The following OXTR variants were observed in gnomAD, a reference collection of about 807,000 sequenced individuals.
The protein encoded by OXTR is oxytocin receptor.
Under a neutral mutation model 23.9 loss-of-function variants are expected in OXTR, and 19 were observed. The ratio of observed to expected loss-of-function variants is 0.80; its 90% confidence interval spans 0.56 to 1.17. The LOEUF (loss-of-function observed/expected upper bound fraction) is 1.17. Among genes scored for constraint, OXTR ranks in the 50% most tolerant of loss-of-function variants. The pLI, the probability that OXTR is intolerant of heterozygous loss-of-function variation, is 0.00. For missense variants in OXTR, 500 were observed against 550.7 expected (o/e 0.91, Z 0.92); for synonymous variants, 278 against 250.5 (o/e 1.11, Z -1.04).
rs1291701372 is a variant in OXTR, at chr3:8,767,924, C to T, written c.264G>A (p.Val88=). 3.2e-5 allele frequency: 52 copies of T among 1,613,446 alleles called. No homozygotes were observed. The highest frequency in any genetic ancestry group is 4.2e-5 in the Non-Finnish European group (49 of 1,179,826). ...MKHLSIADLV[V]AVFQVLPQLL... Reference sequence around the variant, plus strand: ...ACTGCGGCAGCACCTGAAACACTGCCACCACCAGGTCGGCGATGCTTAGGT... The same window carrying T: ...ACTGCGGCAGCACCTGAAACACTGCTACCACCAGGTCGGCGATGCTTAGGT... The change falls in exon 3 of 4, where the codon GTG becomes GTA. Residue 88 remains valine, a synonymous_variant. Coordinates refer to ENST00000316793, the MANE Select transcript of OXTR (RefSeq NM_000916.4).
intron 3 of OXTR, among the ~76,000 whole-genome samples, chr3:8,756,067 T>C (rs1708366916): frequency 6.6e-6 from 1 of 152,234 alleles, no homozygotes; most frequent in Admixed American, 6.5e-5. Flanking sequence ...TGATGGTTAC[T>C]GAGCAGGTGA....
At position 8,751,088 on chromosome 3, in the gene OXTR, T is replaced by A. The variant is rs960698557; in HGVS notation, c.*1889A>T. On this transcript the variant is annotated 3_prime_UTR_variant, in exon 4 of 4. Coordinates refer to ENST00000316793, the MANE Select transcript of OXTR (RefSeq NM_000916.4). The stretch of plus-strand genomic sequence containing the variant: ...TGTAGCCATCCTAGTGATTGTAAAC[T>A]GGAATCTCATTGTGATTTTGACTTG... The A allele has an allele frequency of 6.6e-6, 1 of 152,254 alleles. No individual in the cohort carries two copies. Among genetic ancestry groups the A allele is most frequent in the Non-Finnish European group, 1.5e-5 (1 of 68,046 alleles). 9.4% of individuals were successfully genotyped at this position (152,254 alleles called of 1,614,324 possible).
downstream of OXTR, chr3:8,746,797 T>TCACACACACACACACACACACACA (rs113631543): frequency 7.5e-6 from 1 of 132,970 alleles, no homozygotes; most frequent in Non-Finnish European, 1.8e-5. Flanking sequence ...TCTCTCTCTC[T>TCACACACACACACACACACACACA]CTCACACACA....
intron 3 of OXTR, among the ~76,000 whole-genome samples, chr3:8,755,749 G>A (rs1708358347): frequency 6.6e-6 from 1 of 152,116 alleles, no homozygotes; most frequent in Non-Finnish European, 1.5e-5. Flanking sequence ...TTCTTAATTT[G>A]TCAATATCCT....
chr3:8,762,013 C>G (rs1188908252), intron 3 of OXTR, among the ~76,000 whole-genome samples: 1 of 152,200 alleles, frequency 6.6e-6, no homozygotes, highest in African/African-American at 2.4e-5. Flanking sequence ...GGAGGGAGCC[C>G]TGTGGGGTTG....
At chr3:8,760,681 A>G (rs1708465254) in intron 3 of OXTR, among the ~76,000 whole-genome samples, 1 of 152,230 alleles carries the variant, frequency 6.6e-6, no homozygotes, top group Non-Finnish European at 1.5e-5. Flanking sequence ...GTTGTGCCAC[A>G]AAGCAGCCCA....
intron 3 of OXTR, among the ~76,000 whole-genome samples, chr3:8,753,527 T>G (rs566400679): frequency 2.6e-5 from 4 of 152,330 alleles, no homozygotes; most frequent in East Asian, 1.9e-4. Flanking sequence ...AGAAGCTGAA[T>G]CCATCACAGC....
Position 8,753,239 on chromosome 3 carries a change from G to A in OXTR, c.923-15C>T, listed in dbSNP as rs759179496. ...GAAGGCCGAGGCTGAGGGGGTGGGGGCAGGAGAAAGGAGAAAAGGGCATTA... is the reference window on the plus strand; with the variant it reads ...GAAGGCCGAGGCTGAGGGGGTGGGGACAGGAGAAAGGAGAAAAGGGCATTA... On this transcript the variant is annotated splice_polypyrimidine_tract_variant and intron_variant, in intron 3 of 3. Coordinates refer to ENST00000316793, the MANE Select transcript of OXTR (RefSeq NM_000916.4). 1.3e-5 allele frequency: 21 copies of A among 1,613,396 alleles called. No homozygotes were observed. The highest frequency in any genetic ancestry group is 2.2e-5 in the East Asian group (1 of 44,860).
rs1256654975 is a variant in OXTR, at chr3:8,752,070, TGTTAA to T, written c.*902_*906del. 13 of 152,384 alleles carry T rather than the reference TGTTAA, an allele frequency of 8.5e-5. No homozygotes were observed. Among genetic ancestry groups the T allele is most frequent in the Middle Eastern group, 3.4e-3 (1 of 294 alleles). 9.4% of individuals were successfully genotyped at this position (152,384 alleles called of 1,614,324 possible). ...GTAGTTTTCAGTCTTGCACTTGTTT[TGTTAA>T]GTTGATTCCTATTTTATTCTTTCTG... On this transcript the variant is annotated 3_prime_UTR_variant, in exon 4 of 4. Coordinates refer to ENST00000316793, the MANE Select transcript of OXTR (RefSeq NM_000916.4).
chr3:8,758,631 T>C (rs1183507528), intron 3 of OXTR, among the ~76,000 whole-genome samples: 2 of 152,126 alleles, frequency 1.3e-5, no homozygotes, highest in East Asian at 3.9e-4. Flanking sequence ...GAAAAGACCA[T>C]CGTTTTACAA....
chr3:8,765,794 C>T (rs1441326967), intron 3 of OXTR, among the ~76,000 whole-genome samples: 1 of 152,206 alleles, frequency 6.6e-6, no homozygotes, highest in Non-Finnish European at 1.5e-5. Flanking sequence ...GTGCCTTCCC[C>T]TCTCGGGGCC....
chr3:8,753,043 C>T lies in OXTR; in HGVS notation c.1104G>A (p.Ser368=), dbSNP rs148736817. The T allele has an allele frequency of 2.1e-3, 3,452 of 1,614,136 alleles. 9 individuals carry two copies. The highest frequency in any genetic ancestry group is 7.6e-3 in the Middle Eastern group (46 of 6,062). The part of the protein sequence containing the change: ...GETSASKKSN[S]SSFVLSHRSS... ...TGCGATGGCTCAGGACAAAGGAGGA[C>T]GAGTTGCTCTTTTTGCTGGCACTCG... Residue 368 remains serine (S), a synonymous_variant, in exon 4 of 4, where the codon TCG becomes TCA. Coordinates refer to ENST00000316793, the MANE Select transcript of OXTR (RefSeq NM_000916.4).
intron 3 of OXTR, among the ~76,000 whole-genome samples, chr3:8,762,564 G>A (rs1325497387): frequency 6.6e-6 from 1 of 152,070 alleles, no homozygotes; most frequent in African/African-American, 2.4e-5. Flanking sequence ...TCTCCTGCCG[G>A]CCCACCATGC....
Position 8,767,737 on chromosome 3 carries a change from G to C in OXTR, c.451C>G (p.Arg151Gly), listed in dbSNP as rs772841181. The change falls in exon 3 of 4, where the codon CGC (arginine) becomes GGC (glycine). Residue 151 changes from arginine to glycine, a missense_variant. By Grantham distance (125) the Arg-to-Gly change is moderately radical. Coordinates refer to ENST00000316793, the MANE Select transcript of OXTR (RefSeq NM_000916.4). ...GCGAGCACTGCCAGGCGGTCGGTGC[G>C]GCGGCGCAGCGAGCGCAGCGGCTGG... ...ICQPLRSLRR[R>G]TDRLAVLATW... 3 of 1,609,924 alleles carry C rather than the reference G, an allele frequency of 1.9e-6. No individual in the cohort carries two copies. Among genetic ancestry groups the C allele is most frequent in the Non-Finnish European group, 1.7e-6 (2 of 1,178,278 alleles).
intron 3 of OXTR, among the ~76,000 whole-genome samples, chr3:8,765,525 G>A (rs1708586259): frequency 1.3e-5 from 2 of 152,222 alleles, no homozygotes; most frequent in Admixed American, 1.3e-4. Flanking sequence ...GCTGGAGGAG[G>A]ACTAGACCCC....
At chr3:8,761,519 G>A (rs368625787) in intron 3 of OXTR, among the ~76,000 whole-genome samples, 2 of 152,204 alleles carry the variant, frequency 1.3e-5, no homozygotes, top group South Asian at 2.1e-4. Context: ...GGTTGGGGTC[G>A]TCATGCAGTG....
chr3:8,760,296 C>T (rs964640267), intron 3 of OXTR, among the ~76,000 whole-genome samples: 2 of 152,212 alleles, frequency 1.3e-5, no homozygotes, highest in Admixed American at 6.5e-5. Flanking sequence ...TGTGGGTGTC[C>T]CTCCCAGAGG....
At chr3:8,743,286 A>G in the OXTR span, among the ~76,000 whole-genome samples, 1 of 152,116 alleles carries the variant, frequency 6.6e-6, no homozygotes, top group Non-Finnish European at 1.5e-5. Flanking sequence ...AAGAAAAATG[A>G]TCTCAGTCAG....
chr3:8,746,205 A>G, downstream of OXTR: 1 of 228,274 alleles, frequency 4.4e-6, no homozygotes, highest in Non-Finnish European at 8.8e-6. Flanking sequence ...CAACCTCTCC[A>G]CGCGCACTCA....
Sources: allele counts gnomAD v4.1 joint callset (sites outside exome capture counted in the v4.1 genomes callset), GRCh38; gene constraint gnomAD v4.1.1; transcripts MANE v1.5; gene names NCBI Gene and HGNC (gene_info 2026-07-23, HGNC 2026-07-21).